The following RBL1 variants were observed in gnomAD, a reference collection of about 807,000 sequenced individuals.
RBL1 encodes the protein RB transcriptional corepressor like 1, also known as retinoblastoma-like protein 1.
RBL1 carries 82 observed loss-of-function variants against 123.0 expected under a neutral mutation model. The ratio of observed to expected loss-of-function variants is 0.67; its 90% CI spans 0.56 to 0.80. The LOEUF (loss-of-function observed/expected upper bound fraction) is 0.80, where lower values mean the gene tolerates loss of function less well. Ranked by LOEUF, RBL1 falls within the 30% of genes least tolerant of loss-of-function variation. RBL1 has a pLI of 0.00. For missense variants in RBL1, 1,171 were observed against 1,299.6 expected (o/e 0.90, Z 1.52); for synonymous variants, 405 against 441.3 (o/e 0.92, Z 1.03).
At chr20:37,089,594 T>C (rs2065613990) in intron 1 of RBL1, among the ~76,000 whole-genome samples, 2 of 151,676 alleles carry the variant, frequency 1.3e-5, no homozygotes, top group Non-Finnish European at 2.9e-5. Context: ...CAGTGAGCTA[T>C]GTTTGTGCCA....
intron 9 of RBL1, 98 bp from the exon 10 acceptor site, chr20:37,056,356 T>C: frequency 2.7e-4 from 332 of 1,214,062 alleles, no homozygotes; most frequent in South Asian, 6.5e-4. Flanking sequence ...TTCTTCTTTT[T>C]TTTTTTTTTT....
At chr20:37,034,422 C>A (rs1184688152) in intron 15 of RBL1, among the ~76,000 whole-genome samples, 1 of 151,040 alleles carries the variant, frequency 6.6e-6, no homozygotes, top group Non-Finnish European at 1.5e-5. Flanking sequence ...AGTCAAAAAA[C>A]AGAATTTTTG....
At chr20:37,067,835 C>A in intron 3 of RBL1, 151 bp downstream of exon 3, 3 of 734,788 alleles carry the variant, frequency 4.1e-6, no homozygotes, top group Non-Finnish European at 6.0e-6. Flanking sequence ...TCCTGAATTT[C>A]CAAATATGGA....
intron 11 of RBL1, 35 bp from the exon 12 acceptor site, chr20:37,047,225 T>C (rs1445680906): frequency 1.3e-6 from 2 of 1,560,564 alleles, no homozygotes; most frequent in African/African-American, 1.4e-5. Context: ...TTAATATTTT[T>C]CAGCAATTTC....
intron 11 of RBL1, among the ~76,000 whole-genome samples, chr20:37,053,560 C>T (rs893376716): frequency 2.6e-5 from 4 of 152,030 alleles, no homozygotes. Context: ...TAATAATCTT[C>T]CTTATTTTTA....
intron 7 of RBL1, among the ~76,000 whole-genome samples, chr20:37,062,827 CGCCTGTAGTCCCAGCTACTTGGGAGGT>C (rs568654348): frequency 1.6e-4 from 24 of 151,538 alleles, no homozygotes; most frequent in African/African-American, 5.3e-4. Flanking sequence ...TGGTGGCGGG[CGCCTGTAGTCCCAGCTACTTGGGAGGT>C]GCCTGTAGTC....
intron 19 of RBL1, among the ~76,000 whole-genome samples, chr20:37,016,026 T>C (rs1424298516): frequency 6.8e-6 from 1 of 146,624 alleles, no homozygotes. Flanking sequence ...CAGCGGTTTT[T>C]TTTTTTTTTT....
At chr20:37,080,521 C>T (rs1393301398) in intron 2 of RBL1, among the ~76,000 whole-genome samples, 1 of 150,516 alleles carries the variant, frequency 6.6e-6, no homozygotes, top group African/African-American at 2.5e-5. Context: ...TGCAGTGGTG[C>T]GATCTCGGCT....
At chr20:37,070,688 C>T (rs1227314490) in intron 2 of RBL1, among the ~76,000 whole-genome samples, 1 of 152,116 alleles carries the variant, frequency 6.6e-6, no homozygotes, top group Non-Finnish European at 1.5e-5. Context: ...CAGAAAAAAA[C>T]TTAATAGTTC....
rs576307180 is a variant in RBL1, at chr20:36,998,534, T to C, written c.*225A>G. The C allele has an allele frequency of 1.7e-5, 8 of 461,726 alleles. No homozygotes were observed. The highest frequency in any genetic ancestry group is 3.0e-5 in the Non-Finnish European group (8 of 263,344). The allele number at this position is 461,726 out of a possible 1,614,324, so 28.6% of individuals were successfully genotyped here. A position where few individuals can be genotyped will look rare whatever the true frequency, so the allele number is the denominator to read the frequency against. On this transcript the variant is annotated 3_prime_UTR_variant, in exon 22 of 22. Transcript: ENST00000373664. The stretch of plus-strand genomic sequence containing the variant: ...CCACAGCGCCTGGCCGGACTATTAG[T>C]ATTTTTAAAAGGCACTTAAAATATT...
In RBL1 at chr20:37,034,874, G is replaced by A. The variant is rs185636199; in HGVS notation, c.2170+368C>T. The stretch of plus-strand genomic sequence containing the variant: ...TAGTGACAGATACATGTCATTATAC[G>A]TTCTCAAAATCAATAAACTATTCAC... On this transcript the variant is annotated intron_variant, in intron 15 of 21. Transcript: ENST00000373664. 1.3e-3 allele frequency among the ~76,000 whole-genome samples: 204 copies of A among 152,044 alleles called. 1 individual carries two copies. The highest frequency in any genetic ancestry group is 1.8e-3 in the Non-Finnish European group (120 of 67,980).
chr20:37,069,450 C>T (rs1217329971), intron 2 of RBL1, among the ~76,000 whole-genome samples: 3 of 151,062 alleles, frequency 2.0e-5, no homozygotes, highest in Non-Finnish European at 4.4e-5. Flanking sequence ...TCTGCCCAGC[C>T]GCCCATCGTC....
In RBL1 at chr20:37,044,196, G is replaced by A. The variant is rs1231409767; in HGVS notation, c.1660C>T (p.His554Tyr). The A allele has an allele frequency of 6.2e-7, 1 of 1,613,944 alleles. No individual in the cohort carries two copies. The highest frequency in any genetic ancestry group is 1.3e-5 in the African/African-American group (1 of 74,988). ...EEGLSRDMVK[H>Y]LNSIEEQILE... ...ATCTGTTCTTCAATGCTGTTTAGGT[G>A]TTTCACCATGTCCCTTGAGAGCCCC... The change falls in exon 13 of 22, where the codon CAC becomes TAC. Residue 554 changes from histidine to tyrosine, a missense_variant. By Grantham distance (83) the His-to-Tyr change is moderately conservative (BLOSUM62 2). Transcript: ENST00000373664.
chr20:37,079,156 C>T (rs1286125553), intron 2 of RBL1, among the ~76,000 whole-genome samples: 1 of 146,608 alleles, frequency 6.8e-6, no homozygotes, highest in Admixed American at 6.9e-5. Context: ...GCTGAGGTGG[C>T]ACCACTGCAC....
intron 11 of RBL1, among the ~76,000 whole-genome samples, chr20:37,054,189 CA>C (rs1396359846): frequency 2.0e-5 from 3 of 152,170 alleles, no homozygotes; most frequent in African/African-American, 7.2e-5. Context: ...ATAATTATTT[CA>C]AAATAAAAAG....
chr20:37,036,452 A>G lies in RBL1; in HGVS notation c.1904-944T>C, dbSNP rs564712890. Among the ~76,000 whole-genome samples, 14 of 147,868 alleles carry G rather than the reference A, an allele frequency of 9.5e-5. No individual in the cohort carries two copies. The South Asian group carries it at 2.4e-3, about 25-fold the overall frequency. The stretch of plus-strand genomic sequence containing the variant: ...GCCACCATGCCTGGCTAATTTTTCT[A>G]TTTTTAGTAGAGACAGGGTTTTGCC... On this transcript the variant is annotated intron_variant, in intron 14 of 21. Coordinates refer to ENST00000373664, the MANE Select transcript of RBL1 (RefSeq NM_002895.5).
intron 2 of RBL1, chr20:37,081,821 G>A (rs1328506707): frequency 2.0e-5 from 7 of 345,336 alleles, no homozygotes; most frequent in African/African-American, 1.3e-4. Context: ...TGTGGAATTG[G>A]TTGCTTGAAC....
chr20:37,044,007 A>C, intron 13 of RBL1, 79 bp downstream of exon 13: 4 of 1,192,092 alleles, frequency 3.4e-6, no homozygotes, highest in Non-Finnish European at 4.6e-6. Context: ...ACTCTATGGT[A>C]TAGGAATTAT....
In RBL1 at chr20:37,027,889, G is replaced by C. The variant is rs535315853; in HGVS notation, c.2382+4776C>G. On this transcript the variant is annotated intron_variant, in intron 16 of 21. Coordinates refer to ENST00000373664, the MANE Select transcript of RBL1 (RefSeq NM_002895.5). ...CCCACTTCAGCCTCCTGAGTAGCTG[G>C]GACTACAGGCATGGGCCACTATGCT... is the stretch of plus-strand genomic sequence containing the variant. Among the ~76,000 whole-genome samples, 3 of 152,194 alleles carry C rather than the reference G, an allele frequency of 2.0e-5. 1 individual carries two copies. The highest frequency in any genetic ancestry group is 2.1e-4 in the South Asian group (1 of 4,808).
Sources: allele counts gnomAD v4.1 joint callset (sites outside exome capture counted in the v4.1 genomes callset), GRCh38; gene constraint gnomAD v4.1.1; transcripts MANE v1.5; gene names NCBI Gene and HGNC (gene_info 2026-07-23, HGNC 2026-07-21).